Variants in TEX14 observed in about 807,000 individuals in gnomAD.
TEX14 encodes inactive serine/threonine-protein kinase TEX14.
A neutral mutation model predicts 178.6 loss-of-function variants in TEX14; 168 were observed. The ratio of observed to expected loss-of-function variants is 0.94; its 90% confidence interval spans 0.83 to 1.07. The LOEUF is 1.07. TEX14 is among the 50% of genes least tolerant of loss of function. The probability of loss-of-function intolerance (pLI) is 0.00; values close to 1 mark genes in which losing one functional copy is unlikely to be tolerated. For missense variants in TEX14, 1,730 were observed against 1,753.6 expected (o/e 0.99, Z 0.24); for synonymous variants, 626 against 634.1 (o/e 0.99, Z 0.19).
In TEX14 at chr17:58,615,313, T is replaced by C; in HGVS notation, c.800A>G (p.Lys267Arg). The C allele has an allele frequency of 1.9e-6, 3 of 1,613,406 alleles. No individual in the cohort carries two copies. Among genetic ancestry groups the C allele is most frequent in the Non-Finnish European group, 2.5e-6 (3 of 1,179,390 alleles). Residue 267 changes from lysine (K) to arginine (R), a missense_variant, in exon 8 of 32, where the codon AAA becomes AGA. By Grantham distance (26) the Lys-to-Arg change is conservative. Transcript: ENST00000349033. ...TGGGTGGGTGGGGAGATTCAGCTCTTTCACTGTGACCCTGCTCCCATTCCA... is the reference window on the plus strand; with the variant it reads ...TGGGTGGGTGGGGAGATTCAGCTCTCTCACTGTGACCCTGCTCCCATTCCA... ...LVWNGSRVTV[K>R]ELNLPTHPHC... is the part of the protein sequence containing the mutation.
intron 24 of TEX14, among the ~76,000 whole-genome samples, chr17:58,571,235 C>CTTTTTTTT (rs11456555): frequency 2.4e-5 from 3 of 127,258 alleles, no homozygotes; most frequent in African/African-American, 5.9e-5. Flanking sequence ...CTTTTCTTTT[C>CTTTTTTTT]TTTTTTTTTT....
chr17:58,603,887 CTGTGTGTGTGTGTGTGTG>C (rs71143257), intron 11 of TEX14, among the ~76,000 whole-genome samples: 6,443 of 105,274 alleles, frequency 0.061, 231 homozygotes, highest in South Asian at 0.076. Context: ...TGTGATTTTA[CTGTGTGTGTGTGTGTGTG>C]TGTGTGTGTG....
intron 1 of TEX14, among the ~76,000 whole-genome samples, chr17:58,662,165 T>C (rs2047125591): frequency 6.8e-6 from 1 of 146,618 alleles, no homozygotes; most frequent in Admixed American, 6.8e-5. Context: ...CAAAAATTAC[T>C]GAGTGGCCAG....
chr17:58,643,344 C>T (rs1333782682), intron 2 of TEX14, among the ~76,000 whole-genome samples: 1 of 152,172 alleles, frequency 6.6e-6, no homozygotes, highest in Non-Finnish European at 1.5e-5. Flanking sequence ...CCAGCTTCTA[C>T]TTGACATTGC....
intron 6 of TEX14, among the ~76,000 whole-genome samples, chr17:58,617,032 A>G (rs900964351): frequency 2.0e-5 from 3 of 152,146 alleles, no homozygotes; most frequent in African/African-American, 7.2e-5. Context: ...GGGTGGACCG[A>G]TTGAGTCCAG....
intron 8 of TEX14, among the ~76,000 whole-genome samples, chr17:58,614,933 A>T (rs1405184347): frequency 6.6e-6 from 1 of 152,238 alleles, no homozygotes; most frequent in Non-Finnish European, 1.5e-5. Flanking sequence ...CAGGGATTGT[A>T]GCATGAGAAT....
chr17:58,670,295 A>G (rs1432584887), intron 1 of TEX14, among the ~76,000 whole-genome samples: 1 of 152,184 alleles, frequency 6.6e-6, no homozygotes, highest in Non-Finnish European at 1.5e-5. Flanking sequence ...TCAGGCTAGC[A>G]AAGTACCTGG....
chr17:58,575,396 G>A (rs1187469874), intron 21 of TEX14, among the ~76,000 whole-genome samples: 8 of 152,182 alleles, frequency 5.3e-5, no homozygotes, highest in African/African-American at 1.9e-4. Context: ...GATTACAGGT[G>A]TGAGCCACTG....
intron 1 of TEX14, among the ~76,000 whole-genome samples, chr17:58,684,630 CAAATAAATAAAT>C (rs3031764): frequency 0.042 from 5,963 of 140,386 alleles, 151 homozygotes; most frequent in Non-Finnish European, 0.055. Flanking sequence ...GACCCTGTCT[CAAATAAATAAAT>C]AAATAAATAA....
chr17:58,651,835 G>A (rs2046845150), intron 2 of TEX14, 31 bp downstream of exon 2: 1 of 1,582,900 alleles, frequency 6.3e-7, no homozygotes, highest in Non-Finnish European at 8.6e-7. Context: ...TGTGTACCAA[G>A]GTGCATCTGC....
chr17:58,691,051 C>T (rs1007265659), intron 1 of TEX14, among the ~76,000 whole-genome samples: 3 of 151,942 alleles, frequency 2.0e-5, no homozygotes, highest in South Asian at 2.1e-4. Flanking sequence ...GACAGTGTTT[C>T]GCCATGTTGT....
chr17:58,622,802 G>C, intron 4 of TEX14, 45 bp downstream of exon 4: 2 of 1,554,750 alleles, frequency 1.3e-6, no homozygotes, highest in South Asian at 2.3e-5. Context: ...TCTCAGCCCA[G>C]TACTCTTCTA....
At chr17:58,559,762 A>G (rs1488451886) in intron 29 of TEX14, among the ~76,000 whole-genome samples, 200 bp from the exon 30 acceptor site, 1 of 152,216 alleles carries the variant, frequency 6.6e-6, no homozygotes, top group Admixed American at 6.5e-5. Context: ...TAACTATATA[A>G]GGTAGTTACC....
chr17:58,649,568 A>G (rs900588081), intron 2 of TEX14, among the ~76,000 whole-genome samples: 3 of 152,106 alleles, frequency 2.0e-5, no homozygotes, highest in Non-Finnish European at 2.9e-5. Flanking sequence ...CTCTAACTGA[A>G]TATCAAGCAT....
intron 2 of TEX14, among the ~76,000 whole-genome samples, chr17:58,633,682 C>T (rs960933551): frequency 2.0e-5 from 3 of 151,832 alleles, no homozygotes; most frequent in Non-Finnish European, 4.4e-5. Context: ...CAAAAATTAG[C>T]CGGGGGCCGG....
In TEX14 at chr17:58,571,996, A is replaced by T. The variant is rs138328740; in HGVS notation, c.3642T>A (p.Ser1214Arg). The change falls in exon 24 of 32, where the codon AGT (serine) becomes AGA (arginine). Residue 1214 changes from serine to arginine, a missense_variant. By Grantham distance (110) the Ser-to-Arg change is moderately radical. Transcript: ENST00000349033. ...CCAGTTTCTTTGCTCTCTCTCGGACACTTATAAAGTCATCAGACAAAGTTT... is the reference window on the plus strand; with the variant it reads ...CCAGTTTCTTTGCTCTCTCTCGGACTCTTATAAAGTCATCAGACAAAGTTT... ...FIQTLSDDFI[S>R]VRERAKKLDS... 12 of 1,614,178 alleles carry T rather than the reference A, an allele frequency of 7.4e-6. No homozygotes were observed. Among genetic ancestry groups the T allele is most frequent in the Non-Finnish European group, 9.3e-6 (11 of 1,180,026 alleles).
chr17:58,619,780 AGAG>A (rs888543921), intron 5 of TEX14, among the ~76,000 whole-genome samples: 5 of 148,480 alleles, frequency 3.4e-5, no homozygotes, highest in African/African-American at 9.9e-5. Flanking sequence ...CCTGGGCGAC[AGAG>A]AAGACTCAGT....
Position 58,616,168 on chromosome 17 carries a change from C to G in TEX14, c.767+7G>C, listed in dbSNP as rs771145618. The G allele has an allele frequency of 3.1e-6, 5 of 1,609,934 alleles. No homozygotes were observed. Among genetic ancestry groups the G allele is most frequent in the South Asian group, 1.1e-5 (1 of 90,404 alleles). ...ATCAGACCTCAAACTGGCCAGCCCC[C>G]ACTTACTTGGTCATGACCATGTAGG... On this transcript the variant is annotated splice_region_variant and intron_variant, in intron 7 of 31. Transcript: ENST00000349033.
chr17:58,587,449 G>T (rs2144417710), intron 17 of TEX14, 132 bp downstream of exon 17: 2 of 532,204 alleles, frequency 3.8e-6, no homozygotes, highest in African/African-American at 2.0e-5. Flanking sequence ...TATAATAAAA[G>T]AAAAAAATTC....
Sources: allele counts gnomAD v4.1 joint callset (sites outside exome capture counted in the v4.1 genomes callset), GRCh38; gene constraint gnomAD v4.1.1; transcripts MANE v1.5; gene names NCBI Gene and HGNC (gene_info 2026-07-23, HGNC 2026-07-21).